The following SPATS2L variants were observed in gnomAD, a reference collection of about 807,000 sequenced individuals.
The protein encoded by SPATS2L is spermatogenesis associated serine rich 2 like, also known as SPATS2-like protein.
In SPATS2L, 30 loss-of-function variants were observed where a neutral mutation model predicts 59.6. The observed-to-expected ratio is 0.50, with a 90% CI of 0.38 to 0.68. The LOEUF (loss-of-function observed/expected upper bound fraction) is 0.68. Among genes scored for constraint, SPATS2L ranks in the 30% least tolerant of loss-of-function variants. The pLI is 0.00. For synonymous variants in SPATS2L, 252 were observed against 263.5 expected, an observed-to-expected ratio of 0.96 and a Z score of 0.42; for missense variants, 615 against 700.0, an observed-to-expected ratio of 0.88 and a Z score of 1.37.
In SPATS2L at chr2:200,321,861, A is replaced by G. The variant is rs144766545; in HGVS notation, c.-72-7570A>G. 9.7e-4 allele frequency among the ~76,000 whole-genome samples: 147 copies of G among 152,320 alleles called. 2 individuals are homozygous for G. Among genetic ancestry groups the G allele is most frequent in the African/African-American group, 3.3e-3 (139 of 41,582 alleles). On this transcript the variant is annotated intron_variant, in intron 1 of 12. Transcript: ENST00000409140. The stretch of plus-strand genomic sequence containing the variant: ...GGTAAGTCTGTTACGCCCATTTTTC[A>G]GATGACAGAGCTCTGAGGGGAGATA...
At chr2:200,459,700 A>G in intron 8 of SPATS2L, 69 bp from the exon 9 acceptor site, 3 of 1,162,624 alleles carry the variant, frequency 2.6e-6, no homozygotes, top group Non-Finnish European at 3.8e-6. Flanking sequence ...TTTTACTTTC[A>G]GTGCTTATTA....
chr2:200,315,898 AC>A (rs2079358996), intron 1 of SPATS2L, among the ~76,000 whole-genome samples: 1 of 143,712 alleles, frequency 7.0e-6, no homozygotes, highest in Non-Finnish European at 1.5e-5. Flanking sequence ...GGTGGTGGGC[AC>A]CTGCAGTCCC....
At chr2:200,378,412 C>G (rs1202181385) in intron 2 of SPATS2L, 7 of 1,002,016 alleles carry the variant, frequency 7.0e-6, no homozygotes, top group African/African-American at 1.7e-5. Flanking sequence ...ATAGGAAGAA[C>G]AGTAATGGGG....
intron 6 of SPATS2L, among the ~76,000 whole-genome samples, chr2:200,435,038 C>T (rs1342954558): frequency 1.3e-5 from 2 of 152,104 alleles, no homozygotes; most frequent in Non-Finnish European, 2.9e-5. Context: ...GGTACCAAGA[C>T]AATTCAATGG....
At chr2:200,389,420 C>G (rs1215106474) in intron 3 of SPATS2L, 137 bp downstream of exon 3, 7 of 598,732 alleles carry the variant, frequency 1.2e-5, no homozygotes, top group Non-Finnish European at 1.8e-5. Flanking sequence ...CAACAGTAAA[C>G]TGTTCAGCAG....
At chr2:200,436,154 C>T (rs552258237) in intron 6 of SPATS2L, among the ~76,000 whole-genome samples, 59 of 152,198 alleles carry the variant, frequency 3.9e-4, no homozygotes, top group African/African-American at 1.4e-3. Flanking sequence ...TACAAGTGGA[C>T]TCCCGATAAA....
chr2:200,467,799 T>A (rs2086703797), intron 10 of SPATS2L, among the ~76,000 whole-genome samples: 1 of 152,216 alleles, frequency 6.6e-6, no homozygotes, highest in African/African-American at 2.4e-5. Flanking sequence ...TGGTGAAGAT[T>A]AGAAAGCATG....
chr2:200,336,792 C>T (rs367983492), intron 2 of SPATS2L, among the ~76,000 whole-genome samples: 1 of 152,106 alleles, frequency 6.6e-6, no homozygotes, highest in Non-Finnish European at 1.5e-5. Flanking sequence ...TCAGTATTGC[C>T]CCTGACAAGT....
chr2:200,449,304 T>C (rs1030848206), intron 8 of SPATS2L, among the ~76,000 whole-genome samples: 5 of 152,184 alleles, frequency 3.3e-5, no homozygotes, highest in African/African-American at 9.7e-5. Flanking sequence ...TCAGTTTAGG[T>C]ATAGTCCCCA....
At position 200,385,764 on chromosome 2, in the gene SPATS2L, C is replaced by A. The variant is rs1276030721; in HGVS notation, c.-22-3459C>A. Among the ~76,000 whole-genome samples the A allele has an allele frequency of 5.3e-5, 8 of 152,106 alleles. No individual in the cohort carries two copies. The South Asian group carries it at 1.2e-3, about 24-fold the overall frequency. ...CTGGAGTGCAGTGGTGCGATCTTGG[C>A]TCACTGCAAGCTCTGCCTCCTGGGT... On this transcript the variant is annotated intron_variant, in intron 2 of 12. Transcript: ENST00000409140.
chr2:200,442,162 C>G (rs1195932566), intron 8 of SPATS2L, among the ~76,000 whole-genome samples: 2 of 152,088 alleles, frequency 1.3e-5, no homozygotes, highest in Non-Finnish European at 2.9e-5. Context: ...ATAACCTAAC[C>G]AATTGTTGAA....
Position 200,460,676 on chromosome 2 carries a change from G to A in SPATS2L, c.847+849G>A, listed in dbSNP as rs186882367. ...TGAGGCAGGAGAATGGTGTGAACCCGGGAGGCAGAGCTTGCAGTGAGCCAA... is the reference window on the plus strand; with the variant it reads ...TGAGGCAGGAGAATGGTGTGAACCCAGGAGGCAGAGCTTGCAGTGAGCCAA... On this transcript the variant is annotated intron_variant, in intron 9 of 12. Transcript: ENST00000409140. Among the ~76,000 whole-genome samples, 388 of 151,034 alleles carry A rather than the reference G, an allele frequency of 2.6e-3. 4 individuals are homozygous for A. The East Asian group carries it at 0.053, about 21-fold the overall frequency.
chr2:200,449,922 A>G (rs2085323982), intron 8 of SPATS2L, among the ~76,000 whole-genome samples: 1 of 152,204 alleles, frequency 6.6e-6, no homozygotes, highest in African/African-American at 2.4e-5. Flanking sequence ...CGTGAAGCCA[A>G]TAAAATAGAA....
intron 2 of SPATS2L, chr2:200,377,956 C>T (rs948690003): frequency 6.6e-6 from 1 of 152,156 alleles, no homozygotes; most frequent in Non-Finnish European, 1.5e-5. Flanking sequence ...CCAGCCTATA[C>T]CTTCTCAGCC....
At chr2:200,454,418 A>G (rs1309171976) in intron 8 of SPATS2L, among the ~76,000 whole-genome samples, 3 of 152,168 alleles carry the variant, frequency 2.0e-5, no homozygotes, top group South Asian at 2.1e-4. Context: ...CCATCTCCAA[A>G]TTTAAAGAGC....
At position 200,389,354 on chromosome 2, in the gene SPATS2L, T is replaced by A. The variant is rs2082098838; in HGVS notation, c.39+71T>A. On this transcript the variant is annotated intron_variant, in intron 3 of 12. Coordinates refer to ENST00000409140, the MANE Select transcript of SPATS2L (RefSeq NM_001100423.2). Reference sequence around the variant, plus strand: ...AATGCAGTTCCTAGCAGGTAAAAACTCAATTACAGTGGAGAAAGGGAAAGT... The same window carrying A: ...AATGCAGTTCCTAGCAGGTAAAAACACAATTACAGTGGAGAAAGGGAAAGT... 4 of 1,105,102 alleles carry A rather than the reference T, an allele frequency of 3.6e-6. No homozygotes were observed. In the South Asian group the frequency reaches 4.3e-5, roughly 12 times the overall value. 68.5% of individuals were successfully genotyped at this position (1,105,102 alleles called of 1,614,324 possible). A position where few individuals can be genotyped will look rare whatever the true frequency, so the allele number is the denominator to read the frequency against.
intron 5 of SPATS2L, among the ~76,000 whole-genome samples, chr2:200,416,872 G>A (rs1043719746): frequency 2.0e-5 from 3 of 152,020 alleles, no homozygotes; most frequent in East Asian, 1.9e-4. Flanking sequence ...CTTTTTGGCC[G>A]AATTCTAAGG....
chr2:200,384,154 A>C, intron 2 of SPATS2L: 1 of 258,840 alleles, frequency 3.9e-6, no homozygotes, highest in Non-Finnish European at 6.5e-6. Flanking sequence ...AGAGACAGAC[A>C]TATTTGCCAG....
At chr2:200,314,844 AT>A (rs2079314246) in intron 1 of SPATS2L, among the ~76,000 whole-genome samples, 1 of 152,192 alleles carries the variant, frequency 6.6e-6, no homozygotes, top group Admixed American at 6.5e-5. Context: ...ATATAAAAAA[AT>A]GTAAAATTTC....
Sources: gnomAD v4.1 joint callset for allele counts (sites outside exome capture counted in the v4.1 genomes callset) on GRCh38, gnomAD v4.1.1 for gene constraint, MANE v1.5 for transcripts, NCBI Gene and HGNC (gene_info 2026-07-23, HGNC 2026-07-21) for gene names.